The following PACRGL variants were observed in gnomAD, a reference collection of about 807,000 sequenced individuals.
PACRGL encodes parkin coregulated like.
A neutral mutation model predicts 34.5 loss-of-function variants in PACRGL; 38 were observed. The observed-to-expected ratio is 1.10, with a 90% CI of 0.85 to 1.44. The LOEUF (loss-of-function observed/expected upper bound fraction) is 1.44, where lower values mean the gene tolerates loss of function less well. Among genes scored for constraint, PACRGL ranks in the 40% most tolerant of loss-of-function variants. The pLI, the probability that PACRGL is intolerant of heterozygous loss-of-function variation, is 0.00. For synonymous variants in PACRGL, 128 were observed against 100.1 expected (o/e 1.28, Z -1.66); for missense variants, 305 against 281.4 (o/e 1.08, Z -0.60).
chr4:20,765,461 G>T, the PACRGL span, among the ~76,000 whole-genome samples: 18 of 152,268 alleles, frequency 1.2e-4, no homozygotes, highest in Non-Finnish European at 2.4e-4. Context: ...ATTGTGCATT[G>T]TAGCTTGAGA....
In PACRGL at chr4:20,727,540, A is replaced by C. The variant is rs753131745; in HGVS notation, c.*199A>C. On this transcript the variant is annotated 3_prime_UTR_variant, in exon 9 of 9. Transcript: ENST00000503585. ...ATGGAAAGTTATTAAAATAAGTTCT[A>C]TAAGAGTACAATTTTGAGGTTTATT... is the stretch of plus-strand genomic sequence containing the variant. The C allele has an allele frequency of 2.1e-6, 1 of 477,030 alleles. No individual in the cohort carries two copies. Among genetic ancestry groups the C allele is most frequent in the African/African-American group, 1.9e-5 (1 of 51,998 alleles). The allele number at this position is 477,030 out of a possible 1,614,324, so 29.5% of individuals were successfully genotyped here. A position where few individuals can be genotyped will look rare whatever the true frequency, so the allele number is the denominator to read the frequency against.
chr4:20,715,920 T>C (rs1739747690), intron 7 of PACRGL, among the ~76,000 whole-genome samples: 1 of 152,298 alleles, frequency 6.6e-6, no homozygotes, highest in East Asian at 1.9e-4. Context: ...GATGGTATTA[T>C]GCTCATGTTG....
chr4:20,730,140 G>GAAAC lies in PACRGL; in HGVS notation c.*2801_*2804dup, dbSNP rs768204165. 64 of 1,602,028 alleles carry GAAAC rather than the reference G, an allele frequency of 4.0e-5. No individual in the cohort carries two copies. The South Asian group carries it at 6.9e-4, about 17-fold the overall frequency. On this transcript the variant is annotated 3_prime_UTR_variant, in exon 9 of 9. Transcript: ENST00000503585. ...CATTATGTTTTCATCCTGTAAGGGA[G>GAAAC]AAACACAGAGCGATTAAATTCAGCA...
chr4:20,758,921 CAA>C, the PACRGL span: 2 of 1,583,052 alleles, frequency 1.3e-6, no homozygotes, highest in Non-Finnish European at 1.7e-6. Context: ...GCAATATGAG[CAA>C]AGTGTTCATA....
intron 8 of PACRGL, among the ~76,000 whole-genome samples, chr4:20,746,902 A>G (rs191151384): frequency 1.3e-4 from 20 of 152,274 alleles, no homozygotes; most frequent in Admixed American, 9.8e-4. Context: ...TGCTATTGCT[A>G]TTATTCAAAA....
the PACRGL span, chr4:20,767,229 C>G: frequency 6.6e-6 from 1 of 152,104 alleles, no homozygotes; most frequent in African/African-American, 2.4e-5. Context: ...ATATGAATTA[C>G]GCTTTCTATT....
intron 7 of PACRGL, among the ~76,000 whole-genome samples, chr4:20,720,864 G>A (rs1183754269): frequency 1.3e-5 from 2 of 152,084 alleles, no homozygotes; most frequent in African/African-American, 2.4e-5. Context: ...GAATTTCAAT[G>A]TTGGCCTGCC....
rs1204746162 is a variant in PACRGL at position 20,707,878 on chromosome 4, C to T, written c.275+8C>T. The T allele has an allele frequency of 6.2e-7, 1 of 1,602,430 alleles. No individual in the cohort carries two copies. Among genetic ancestry groups the T allele is most frequent in the Admixed American group, 1.7e-5 (1 of 59,928 alleles). On this transcript the variant is annotated splice_region_variant and intron_variant, in intron 4 of 8. Coordinates refer to ENST00000503585, the MANE Select transcript of PACRGL (RefSeq NM_001258345.3). ...AGGAGGTATTCCTTGCAGGTAAAAT[C>T]AATATGATTTATAACTGACCAAATT...
Position 20,727,398 on chromosome 4 carries a change from G to T in PACRGL, c.*57G>T. 7.3e-7 allele frequency: 1 copy of T among 1,361,656 alleles called. No homozygotes were observed. The highest frequency in any genetic ancestry group is 1.0e-6 in the Non-Finnish European group (1 of 953,770). 84.3% of individuals were successfully genotyped at this position (1,361,656 alleles called of 1,614,324 possible). A position where few individuals can be genotyped will look rare whatever the true frequency, so the allele number is the denominator to read the frequency against. On this transcript the variant is annotated 3_prime_UTR_variant, in exon 9 of 9. Transcript: ENST00000503585. ...CCTGTTGACGTGTCAAGCACTAACT[G>T]TGGGTACTCATTTATTTTATTCTTT...
chr4:20,753,870 T>C (rs564918937), downstream of PACRGL, among the ~76,000 whole-genome samples: 1 of 151,974 alleles, frequency 6.6e-6, no homozygotes, highest in East Asian at 1.9e-4. Context: ...GCTTAAAAAA[T>C]GTTTATTGAC....
rs1385040349 is a variant in PACRGL at position 20,713,018 on chromosome 4, A to G, written c.501+96A>G. On this transcript the variant is annotated intron_variant, in intron 6 of 8. Coordinates refer to ENST00000503585, the MANE Select transcript of PACRGL (RefSeq NM_001258345.3). ...ATATTGTATGCCTTTTTCCCTCCAT[A>G]TTATATGCAAAGTAGTCCTTTATCT... 9.5e-6 allele frequency: 12 copies of G among 1,261,594 alleles called. No homozygotes were observed. The East Asian group carries it at 2.5e-4, about 26-fold the overall frequency. The allele number at this position is 1,261,594 out of a possible 1,614,324, so 78.1% of individuals were successfully genotyped here.
At chr4:20,711,648 ATAAT>A (rs1465386796) in intron 5 of PACRGL, among the ~76,000 whole-genome samples, 1 of 152,194 alleles carries the variant, frequency 6.6e-6, no homozygotes, top group African/African-American at 2.4e-5. Context: ...TTCTTCATAG[ATAAT>A]TAGTCAAACT....
chr4:20,765,952 T>C, the PACRGL span, among the ~76,000 whole-genome samples: 2 of 152,198 alleles, frequency 1.3e-5, no homozygotes, highest in Non-Finnish European at 2.9e-5. Context: ...CTAGTACTAA[T>C]ATCAATTTTA....
intron 8 of PACRGL, among the ~76,000 whole-genome samples, chr4:20,743,635 A>T (rs1451851326): frequency 6.6e-6 from 1 of 152,228 alleles, no homozygotes; most frequent in Non-Finnish European, 1.5e-5. Context: ...TGGATTAAAG[A>T]CTTAAACATT....
chr4:20,763,636 T>C, the PACRGL span, among the ~76,000 whole-genome samples: 1 of 152,240 alleles, frequency 6.6e-6, no homozygotes, highest in Admixed American at 6.5e-5. Context: ...GTAAAGAGTT[T>C]GGAATATCTA....
At position 20,731,415 on chromosome 4, in the gene PACRGL, A is replaced by G. The variant is rs1193093008; in HGVS notation, c.*4074A>G. On this transcript the variant is annotated 3_prime_UTR_variant, in exon 9 of 9. Coordinates refer to ENST00000503585, the MANE Select transcript of PACRGL (RefSeq NM_001258345.3). ...GTGGTTCTGCCCACACATCAAGTCA[A>G]ATAATTCTAAGTAAGCTAACACTGG... is the stretch of plus-strand genomic sequence containing the variant. 3.0e-6 allele frequency: 3 copies of G among 985,224 alleles called. No individual in the cohort carries two copies. The highest frequency in any genetic ancestry group is 3.6e-6 in the Non-Finnish European group (3 of 829,902). 61.0% of individuals were successfully genotyped at this position (985,224 alleles called of 1,614,324 possible). A position where few individuals can be genotyped will look rare whatever the true frequency, so the allele number is the denominator to read the frequency against.
At chr4:20,708,849 G>A (rs941862550) in intron 4 of PACRGL, among the ~76,000 whole-genome samples, 6 of 151,904 alleles carry the variant, frequency 3.9e-5, no homozygotes, top group Non-Finnish European at 5.9e-5. Flanking sequence ...TTGCGTGTTA[G>A]TTATTCCTCA....
downstream of PACRGL, among the ~76,000 whole-genome samples, chr4:20,755,417 AC>A (rs1754318094): frequency 6.6e-6 from 1 of 152,220 alleles, no homozygotes; most frequent in East Asian, 1.9e-4. Context: ...ATTCCACTGT[AC>A]AGTGATAGCC....
intron 8 of PACRGL, among the ~76,000 whole-genome samples, chr4:20,744,860 A>G (rs888707992): frequency 6.6e-6 from 1 of 152,136 alleles, no homozygotes; most frequent in Non-Finnish European, 1.5e-5. Context: ...TAGGTCCCAA[A>G]TTTCCATTTG....
Sources: gnomAD v4.1 joint callset for allele counts (sites outside exome capture counted in the v4.1 genomes callset) on GRCh38, gnomAD v4.1.1 for gene constraint, MANE v1.5 for transcripts, NCBI Gene and HGNC (gene_info 2026-07-23, HGNC 2026-07-21) for gene names.